Variants in AVEN observed in about 807,000 individuals in gnomAD.
AVEN encodes the protein apoptosis and caspase activation inhibitor.
In AVEN, 41 loss-of-function variants were observed where a neutral mutation model predicts 38.1. The ratio of observed to expected loss-of-function variants is 1.08; its 90% CI spans 0.84 to 1.40. AVEN has a LOEUF of 1.40. Among genes scored for constraint, AVEN ranks in the 40% most tolerant of loss-of-function variants. The pLI, the probability that AVEN is intolerant of heterozygous loss-of-function variation, is 0.00. For synonymous variants in AVEN, 206 were observed against 171.8 expected (o/e 1.20, Z -1.56); for missense variants, 605 against 438.8 (o/e 1.38, Z -3.38).
chr15:33,855,052 A>C (rs1008417655), downstream of AVEN: 30 of 856,662 alleles, frequency 3.5e-5, no homozygotes, highest in Middle Eastern at 3.0e-4. Flanking sequence ...ACTTCAACTA[A>C]TGGTGATTGT....
At chr15:33,910,808 G>A (rs963306329) in intron 2 of AVEN, among the ~76,000 whole-genome samples, 1 of 152,164 alleles carries the variant, frequency 6.6e-6, no homozygotes, top group African/African-American at 2.4e-5. Context: ...GATCATGGCA[G>A]CTCCCAACGG....
intron 2 of AVEN, chr15:34,067,469 A>G (rs1324221616): frequency 1.3e-5 from 2 of 152,210 alleles, no homozygotes; most frequent in African/African-American, 2.4e-5. Flanking sequence ...CAGTGGTCCA[A>G]TGCAGAGCAT....
At chr15:33,956,456 A>G (rs1159766378) in intron 2 of AVEN, among the ~76,000 whole-genome samples, 1 of 152,210 alleles carries the variant, frequency 6.6e-6, no homozygotes, top group Non-Finnish European at 1.5e-5. Context: ...ATCTTTTCAC[A>G]TGTTTAAGAG....
Position 33,970,117 on chromosome 15 carries a change from T to A in AVEN, c.445+32915A>T, listed in dbSNP as rs1597288782. On this transcript the variant is annotated intron_variant, in intron 2 of 5. Coordinates refer to ENST00000306730, the MANE Select transcript of AVEN (RefSeq NM_020371.3). Reference sequence around the variant, plus strand: ...GAGGAGACAGGGAAACAAGAGCATATCACACCTAACTACGGAGATCTTGTG... The same window carrying A: ...GAGGAGACAGGGAAACAAGAGCATAACACACCTAACTACGGAGATCTTGTG... Among the ~76,000 whole-genome samples the A allele has an allele frequency of 3.9e-5, 6 of 152,072 alleles. No homozygotes were observed. In the South Asian group the frequency reaches 1.2e-3, roughly 31 times the overall value.
At chr15:33,985,097 T>C (rs1896365644) in intron 2 of AVEN, among the ~76,000 whole-genome samples, 1 of 152,170 alleles carries the variant, frequency 6.6e-6, no homozygotes, top group African/African-American at 2.4e-5. Context: ...TTTCCTCACA[T>C]CTATATCACC....
In AVEN at chr15:34,017,484, G is replaced by GTTTTTTTTTTT. The variant is rs60119659; in HGVS notation, c.268-14286_268-14276dup. On this transcript the variant is annotated intron_variant, in intron 1 of 5. Coordinates refer to ENST00000306730, the MANE Select transcript of AVEN (RefSeq NM_020371.3). Reference sequence around the variant, plus strand: ...GTGATTTCAGTATGATTTTTTTTTTGTTTTTTTTTTTTTTTTGAGACAGGG... The same window carrying GTTTTTTTTTTT: ...GTGATTTCAGTATGATTTTTTTTTTGTTTTTTTTTTTTTTTTTTTTTTTTTTTGAGACAGGG... 3.7e-5 allele frequency among the ~76,000 whole-genome samples: 4 copies of GTTTTTTTTTTT among 107,342 alleles called. 1 individual carries two copies. The highest frequency in any genetic ancestry group is 9.5e-5 in the African/African-American group (3 of 31,662). The allele number at this position is 107,342 out of a possible 152,430, so 70.4% of individuals were successfully genotyped here.
rs1896785620 is a variant in AVEN, at chr15:33,992,792, T to C, written c.445+10240A>G. On this transcript the variant is annotated intron_variant, in intron 2 of 5. Transcript: ENST00000306730. ...GTAATATCCTTTCTTTTCCCTTCAG[T>C]CTAATTGTTGGCACAAGGAACAGAG... is the stretch of plus-strand genomic sequence containing the variant. 2.0e-5 allele frequency among the ~76,000 whole-genome samples: 3 copies of C among 152,364 alleles called. No individual in the cohort carries two copies. In the South Asian group the frequency reaches 6.2e-4, roughly 32 times the overall value.
intron 2 of AVEN, among the ~76,000 whole-genome samples, chr15:33,902,122 G>A (rs571138919): frequency 5.6e-4 from 84 of 150,658 alleles, no homozygotes; most frequent in Non-Finnish European, 1.1e-3. Context: ...ATGAGCACAG[G>A]GTATTTTCCA....
At chr15:33,958,942 C>A (rs1307041031) in intron 2 of AVEN, among the ~76,000 whole-genome samples, 1 of 152,180 alleles carries the variant, frequency 6.6e-6, no homozygotes, top group Non-Finnish European at 1.5e-5. Flanking sequence ...GCACCAAAAA[C>A]CTTTGGTGAC....
At position 34,038,933 on chromosome 15, in the gene AVEN, G is replaced by A. The variant is rs1328581590; in HGVS notation, c.114C>T (p.Gly38=). 1 of 1,064,778 alleles carries A rather than the reference G, an allele frequency of 9.4e-7. No homozygotes were observed. Among genetic ancestry groups the A allele is most frequent in the Non-Finnish European group, 1.1e-6 (1 of 876,832 alleles). 66.0% of individuals were successfully genotyped at this position (1,064,778 alleles called of 1,614,324 possible). Residue 38 remains glycine, a synonymous_variant, in exon 1 of 6, where the codon GGC becomes GGT. Coordinates refer to ENST00000306730, the MANE Select transcript of AVEN (RefSeq NM_020371.3). ...CGTCCCCGCCGCCGCCTCCGCCGCC[G>A]CCTCTGGCTACCGCCGCTGCGGCTC... ...RPGAAAAVAR[G]GGGGGGGDGG... is the part of the protein sequence containing the mutation.
At chr15:33,853,429 G>C in the AVEN span, 1 of 1,220,430 alleles carries the variant, frequency 8.2e-7, no homozygotes, top group Non-Finnish European at 1.1e-6. Flanking sequence ...TCTGCATTTT[G>C]AACTATGTCT....
chr15:33,857,217 G>A (rs2079772458), downstream of AVEN, among the ~76,000 whole-genome samples: 1 of 139,132 alleles, frequency 7.2e-6, no homozygotes, highest in South Asian at 2.5e-4. Context: ...AGTTCTGGAG[G>A]CGGTAAGTAA....
At chr15:33,856,664 TTGTTTGTTTTTTTGA>T (rs1302016185), downstream of AVEN, 1 of 156,846 alleles carries the variant, frequency 6.4e-6, no homozygotes, top group Non-Finnish European at 1.4e-5. Context: ...GTTTGTTTGT[TTGTTTGTTTTTTTGA>T]GACGGAGTCT....
At chr15:34,039,224 CGGCCGGCGTCCCGCAGGTGG>C (rs1047348640), upstream of AVEN, 59 of 410,402 alleles carry the variant, frequency 1.4e-4, no homozygotes, top group Non-Finnish European at 1.8e-4. Context: ...CGGGGCGGGG[CGGCCGGCGTCCCGCAGGTGG>C]GGCCGGAACC....
chr15:33,997,860 G>A (rs1022773916), intron 2 of AVEN, among the ~76,000 whole-genome samples: 3 of 152,144 alleles, frequency 2.0e-5, no homozygotes, highest in Non-Finnish European at 4.4e-5. Context: ...CACAATATGA[G>A]TCAGGGAAAA....
chr15:33,855,379 T>C (rs2079545781), downstream of AVEN, among the ~76,000 whole-genome samples: 1 of 152,208 alleles, frequency 6.6e-6, no homozygotes, highest in South Asian at 2.1e-4. Flanking sequence ...AATTTTTGTA[T>C]TTTTAGTAGA....
At chr15:33,991,790 G>A (rs138077498) in intron 2 of AVEN, 22 of 152,218 alleles carry the variant, frequency 1.4e-4, no homozygotes, top group African/African-American at 4.8e-4. Flanking sequence ...TTACTAGACA[G>A]AAAGGTAGAA....
chr15:33,996,064 G>A (rs1294414757), intron 2 of AVEN, among the ~76,000 whole-genome samples: 1 of 152,222 alleles, frequency 6.6e-6, no homozygotes. Context: ...CACCCACACA[G>A]CCTTGCTCAC....
At chr15:34,037,825 A>G (rs1899220655) in intron 1 of AVEN, among the ~76,000 whole-genome samples, 1 of 152,122 alleles carries the variant, frequency 6.6e-6, no homozygotes, top group African/African-American at 2.4e-5. Flanking sequence ...CTTATCTGCT[A>G]TGCCCTCAAG....
Sources: allele counts gnomAD v4.1 joint callset (sites outside exome capture counted in the v4.1 genomes callset), GRCh38; gene constraint gnomAD v4.1.1; transcripts MANE v1.5; gene names NCBI Gene and HGNC (gene_info 2026-07-23, HGNC 2026-07-21).